Variants in BTD observed in about 807,000 individuals in gnomAD.
BTD encodes biotinidase.
BTD carries 13 observed loss-of-function variants against 17.7 expected under a neutral mutation model. That is an observed-to-expected ratio of 0.74 (90% CI 0.48 to 1.17). The LOEUF (loss-of-function observed/expected upper bound fraction) is 1.17, where lower values mean the gene tolerates loss of function less well. Among genes scored for constraint, BTD ranks in the 50% most tolerant of loss-of-function variants. BTD has a pLI of 0.00. For synonymous variants in BTD, 240 were observed against 245.2 expected, an observed-to-expected ratio of 0.98 and a Z score of 0.20; for missense variants, 674 against 650.4, an observed-to-expected ratio of 1.04 and a Z score of -0.39.
At chr3:15,711,423 T>C (rs936279855) in exon 4 of BTD, 27 of 595,748 alleles carry the variant, frequency 4.5e-5, no homozygotes, top group East Asian at 2.6e-4. Context: ...TAAAAGGCAA[T>C]AGGATACAAT....
At chr3:15,663,893 ATGAC>A (rs2065950967) in intron 3 of BTD, among the ~76,000 whole-genome samples, 2 of 152,154 alleles carry the variant, frequency 1.3e-5, no homozygotes, top group Admixed American at 6.5e-5. Context: ...GAACACATAC[ATGAC>A]TGATTTTAGA....
chr3:15,707,868 GA>G, intron 3 of BTD: 1 of 1,567,284 alleles, frequency 6.4e-7, no homozygotes, highest in African/African-American at 1.3e-5. Context: ...CATCCATATG[GA>G]AGATGCCAGT....
intron 1 of BTD, among the ~76,000 whole-genome samples, chr3:15,623,713 C>T (rs2065004480): frequency 1.3e-5 from 2 of 152,158 alleles, no homozygotes. Context: ...CACCATCCCT[C>T]TAGTGTTGTG....
rs796947783 is a variant in BTD at position 15,643,048 on chromosome 3, AAT to A, written c.399+993_399+994del. Among the ~76,000 whole-genome samples, 676 of 74,722 alleles carry A rather than the reference AAT, an allele frequency of 9.0e-3. 8 individuals carry two copies. The highest frequency in any genetic ancestry group is 0.029 in the South Asian group (74 of 2,590). The allele number at this position is 74,722 out of a possible 152,430, so 49.0% of individuals were successfully genotyped here. On this transcript the variant is annotated intron_variant, in intron 3 of 3. Coordinates refer to ENST00000643237, the MANE Select transcript of BTD (RefSeq NM_001370658.1). ...GCCTCAAAAAAAAAAAAAAAAATAA[AAT>A]AAAATAAAGAAATGGAATCCCTCAA... is the stretch of plus-strand genomic sequence containing the variant.
intron 3 of BTD, chr3:15,684,016 G>A (rs1396386171): frequency 6.6e-6 from 1 of 152,132 alleles, no homozygotes; most frequent in Non-Finnish European, 1.5e-5. Flanking sequence ...GTGAACTACA[G>A]CTTTGTAGAT....
At chr3:15,614,529 A>T (rs2064736538) in intron 1 of BTD, among the ~76,000 whole-genome samples, 1 of 149,674 alleles carries the variant, frequency 6.7e-6, no homozygotes, top group African/African-American at 2.5e-5. Flanking sequence ...TTCTAAACAA[A>T]TTTTTTAATG....
chr3:15,679,271 A>G (rs745427661), intron 3 of BTD: 1 of 1,600,962 alleles, frequency 6.2e-7, no homozygotes, highest in Non-Finnish European at 8.6e-7. Context: ...TGCCTGGCTA[A>G]AACTATTTAA....
Position 15,601,793 on chromosome 3 carries a change from C to G in BTD, c.-118C>G, listed in dbSNP as rs771671620. On this transcript the variant is annotated 5_prime_UTR_variant, in exon 1 of 4. Transcript: ENST00000643237. ...CAGGTAAGAAGCCGAACTCTGAGGCCTCTCGCCATTGTCTCCGAGTCGGCC... is the reference window on the plus strand; with the variant it reads ...CAGGTAAGAAGCCGAACTCTGAGGCGTCTCGCCATTGTCTCCGAGTCGGCC... 1.9e-6 allele frequency: 3 copies of G among 1,613,884 alleles called. No homozygotes were observed. In the South Asian group the frequency reaches 3.3e-5, roughly 18 times the overall value.
intron 1 of BTD, among the ~76,000 whole-genome samples, chr3:15,627,801 A>C (rs2065103806): frequency 6.6e-6 from 1 of 152,178 alleles, no homozygotes; most frequent in Non-Finnish European, 1.5e-5. Flanking sequence ...GGCTCACTGC[A>C]ATCTCTGCCT....
chr3:15,623,356 A>G (rs1222632910), intron 1 of BTD, among the ~76,000 whole-genome samples: 3 of 152,160 alleles, frequency 2.0e-5, no homozygotes, highest in Non-Finnish European at 2.9e-5. Flanking sequence ...TACTGTAATG[A>G]TCTCTTGTTT....
chr3:15,659,332 T>C (rs115422149), intron 3 of BTD, among the ~76,000 whole-genome samples: 1,493 of 148,896 alleles, frequency 0.01, 18 homozygotes, highest in African/African-American at 0.035. Context: ...GATCCATGCC[T>C]GGGAAGGGGG....
chr3:15,685,392 C>G, intron 3 of BTD: 7 of 1,613,510 alleles, frequency 4.3e-6, no homozygotes, highest in Admixed American at 1.7e-5. Flanking sequence ...GAAGTAAGCA[C>G]TTAGCACCAT....
Position 15,717,907 on chromosome 3 carries a change from A to T in BTD, c.1016-3863A>T, listed in dbSNP as rs531949717. 1.7e-4 allele frequency among the ~76,000 whole-genome samples: 26 copies of T among 152,296 alleles called. No individual in the cohort carries two copies. In the East Asian group the frequency reaches 5.0e-3, roughly 29 times the overall value. On this transcript the variant is annotated intron_variant, in intron 4 of 4. Coordinates refer to the BTD transcript ENST00000672427. ...TAAATTCACATTCCAATTTCTAGTC[A>T]TCTATAACTTGATCAAGGTCAGAAA...
At chr3:15,698,419 G>A (rs936601100) in intron 3 of BTD, among the ~76,000 whole-genome samples, 1 of 152,122 alleles carries the variant, frequency 6.6e-6, no homozygotes, top group African/African-American at 2.4e-5. Flanking sequence ...GAAATAAAGG[G>A]TATTCAATTA....
chr3:15,631,508 C>T, intron 1 of BTD: 4 of 1,524,614 alleles, frequency 2.6e-6, no homozygotes, highest in Non-Finnish European at 2.6e-6. Context: ...GGGGAAAAAT[C>T]CCTTGTGTGT....
At chr3:15,679,235 G>T in intron 3 of BTD, 1 of 1,472,160 alleles carries the variant, frequency 6.8e-7, no homozygotes, top group Non-Finnish European at 9.5e-7. Context: ...CTCCCAGATT[G>T]TTAGGATTAT....
At chr3:15,703,974 T>C (rs2070993928) in intron 3 of BTD, among the ~76,000 whole-genome samples, 1 of 152,192 alleles carries the variant, frequency 6.6e-6, no homozygotes, top group African/African-American at 2.4e-5. Flanking sequence ...AGAGCTGGTA[T>C]GAGGGGAATT....
downstream of BTD, among the ~76,000 whole-genome samples, chr3:15,653,886 G>A (rs1284844175): frequency 6.6e-6 from 1 of 152,186 alleles, no homozygotes; most frequent in East Asian, 1.9e-4. Flanking sequence ...ACATAAGACT[G>A]TTACTGTTTT....
intron 3 of BTD, among the ~76,000 whole-genome samples, chr3:15,643,025 C>G (rs1480688413): frequency 8.0e-6 from 1 of 125,132 alleles, no homozygotes; most frequent in Non-Finnish European, 1.5e-5. Flanking sequence ...AAAACTCTGC[C>G]TCAAAAAAAA....
Sources: allele counts gnomAD v4.1 joint callset (sites outside exome capture counted in the v4.1 genomes callset), GRCh38; gene constraint gnomAD v4.1.1; transcripts MANE v1.5; gene names NCBI Gene and HGNC (gene_info 2026-07-23, HGNC 2026-07-21).